The following HDGFL3 variants were observed in gnomAD, a reference collection of about 807,000 sequenced individuals.
HDGFL3 encodes hepatoma-derived growth factor-related protein 3.
In HDGFL3, 6 loss-of-function variants were observed where a neutral mutation model predicts 27.6. The ratio of observed to expected loss-of-function variants is 0.22; its 90% CI spans 0.12 to 0.43. HDGFL3 has a LOEUF of 0.43. Among genes scored for constraint, HDGFL3 ranks in the 20% least tolerant of loss-of-function variants. The pLI, the probability that HDGFL3 is intolerant of heterozygous loss-of-function variation, is 1.00. For missense variants in HDGFL3, 207 were observed against 250.1 expected (o/e 0.83, Z 1.16); for synonymous variants, 88 against 88.9 (o/e 0.99, Z 0.05).
chr15:83,180,643 ATTTT>A (rs34952033), intron 1 of HDGFL3, among the ~76,000 whole-genome samples: 2 of 126,368 alleles, frequency 1.6e-5, no homozygotes, highest in Non-Finnish European at 3.2e-5. Context: ...TAACTTATCA[ATTTT>A]TTTTTTTTTT....
intron 1 of HDGFL3, among the ~76,000 whole-genome samples, chr15:83,202,533 G>T (rs1397910965): frequency 6.6e-6 from 1 of 152,078 alleles, no homozygotes; most frequent in African/African-American, 2.4e-5. Context: ...ATGCAGCTTG[G>T]TAGGAGTGAG....
chr15:83,117,921 A>C (rs2034824762), intron 3 of HDGFL3, among the ~76,000 whole-genome samples: 1 of 152,124 alleles, frequency 6.6e-6, no homozygotes, highest in African/African-American at 2.4e-5. Flanking sequence ...GGCTAGACCT[A>C]ATGCTGTGAA....
At chr15:83,206,670 C>A (rs1444673261) in intron 1 of HDGFL3, among the ~76,000 whole-genome samples, 2 of 152,192 alleles carry the variant, frequency 1.3e-5, no homozygotes, top group Non-Finnish European at 2.9e-5. Context: ...GCTGGACCCA[C>A]CAGTCAGAGG....
At chr15:83,165,388 T>C (rs1366039860) in intron 1 of HDGFL3, among the ~76,000 whole-genome samples, 1 of 152,216 alleles carries the variant, frequency 6.6e-6, no homozygotes, top group East Asian at 1.9e-4. Context: ...AGCAAATGAA[T>C]GGTAGTTTAG....
chr15:83,159,766 AG>A (rs1175681325), intron 2 of HDGFL3, among the ~76,000 whole-genome samples: 2 of 152,320 alleles, frequency 1.3e-5, no homozygotes, highest in Admixed American at 1.3e-4. Flanking sequence ...GTGCCTCATA[AG>A]TTTGAGAAAC....
At chr15:83,163,766 C>T (rs188750185) in intron 2 of HDGFL3, 3 of 488,502 alleles carry the variant, frequency 6.1e-6, no homozygotes, top group African/African-American at 6.1e-5. Context: ...TGGGTGATGA[C>T]CAACATTTAA....
intron 1 of HDGFL3, among the ~76,000 whole-genome samples, chr15:83,182,562 G>C (rs2037393855): frequency 6.6e-6 from 1 of 152,082 alleles, no homozygotes; most frequent in Admixed American, 6.5e-5. Flanking sequence ...GTACGTATTG[G>C]ATGATTCCAC....
At chr15:83,187,789 G>A (rs2037463260) in intron 1 of HDGFL3, among the ~76,000 whole-genome samples, 1 of 151,630 alleles carries the variant, frequency 6.6e-6, no homozygotes, top group Admixed American at 6.6e-5. Flanking sequence ...TCGGGAGGCT[G>A]AGGCAGGAGA....
chr15:83,141,705 T>C (rs2036775353), intron 5 of HDGFL3, among the ~76,000 whole-genome samples: 1 of 152,214 alleles, frequency 6.6e-6, no homozygotes, highest in African/African-American at 2.4e-5. Flanking sequence ...TGCCTCAGCC[T>C]ATCAAAGTGC....
At chr15:83,155,751 G>A (rs2037021761) in intron 4 of HDGFL3, among the ~76,000 whole-genome samples, 1 of 152,096 alleles carries the variant, frequency 6.6e-6, no homozygotes, top group Non-Finnish European at 1.5e-5. Flanking sequence ...CTTGTTTTTA[G>A]AGTTTCCTAA....
intron 1 of HDGFL3, among the ~76,000 whole-genome samples, chr15:83,184,125 T>C (rs918795914): frequency 2.6e-5 from 4 of 152,258 alleles, no homozygotes; most frequent in African/African-American, 4.8e-5. Flanking sequence ...TCTTTTATTT[T>C]TGGTGTCAAT....
chr15:83,141,592 C>CT (rs559221644), intron 5 of HDGFL3, among the ~76,000 whole-genome samples: 8 of 150,974 alleles, frequency 5.3e-5, no homozygotes, highest in South Asian at 2.1e-4. Flanking sequence ...TATTTAAAGA[C>CT]TTTTTTTTTA....
In HDGFL3 at chr15:83,141,379, G is replaced by A. The variant is rs149495438; in HGVS notation, c.607-2104C>T. Among the ~76,000 whole-genome samples the A allele has an allele frequency of 3.0e-3, 454 of 152,312 alleles. 2 individuals are homozygous for A. Among genetic ancestry groups the A allele is most frequent in the African/African-American group, 0.01 (435 of 41,554 alleles). On this transcript the variant is annotated intron_variant, in intron 5 of 5. Coordinates refer to ENST00000299633, the MANE Select transcript of HDGFL3 (RefSeq NM_016073.4). Reference sequence around the variant, plus strand: ...CAGAAGCTATGAAACAACAGAAGCCGTAAGGATCTTTTCAAGGAGTACCAT... The same window carrying A: ...CAGAAGCTATGAAACAACAGAAGCCATAAGGATCTTTTCAAGGAGTACCAT...
chr15:83,170,953 A>C (rs2037239331), intron 1 of HDGFL3, among the ~76,000 whole-genome samples: 1 of 152,160 alleles, frequency 6.6e-6, no homozygotes, highest in African/African-American at 2.4e-5. Context: ...AAGAAGACAT[A>C]CAAGCCAAGA....
At chr15:83,122,412 T>C (rs975800166) in intron 3 of HDGFL3, among the ~76,000 whole-genome samples, 1 of 152,080 alleles carries the variant, frequency 6.6e-6, no homozygotes, top group Non-Finnish European at 1.5e-5. Flanking sequence ...GATAGATAGA[T>C]AGATATAGAT....
rs2037730195 is a variant in HDGFL3, at chr15:83,207,234, G to C, written c.84+97C>G. 1 of 842,752 alleles carries C rather than the reference G, an allele frequency of 1.2e-6. No individual in the cohort carries two copies. The highest frequency in any genetic ancestry group is 1.6e-6 in the Non-Finnish European group (1 of 622,162). The allele number at this position is 842,752 out of a possible 1,614,324, so 52.2% of individuals were successfully genotyped here. ...CTCACCACAGCCGGCCGCGAGCTGC[G>C]GGCTCGGGGCTGAGGCGATGGGGAA... is the stretch of plus-strand genomic sequence containing the variant. On this transcript the variant is annotated intron_variant, in intron 1 of 5. Coordinates refer to ENST00000299633, the MANE Select transcript of HDGFL3 (RefSeq NM_016073.4). This position sits in a 1 kb window ranked among gnomAD's most constrained non-coding sequence, Gnocchi z 4.8.
In HDGFL3 at chr15:83,113,129, C is replaced by T. The variant is rs2034345677; in HGVS notation, c.*2580G>A. The T allele has an allele frequency of 5.3e-6, 3 of 568,232 alleles. No individual in the cohort carries two copies. The South Asian group carries it at 6.1e-5, about 12-fold the overall frequency. 35.2% of individuals were successfully genotyped at this position (568,232 alleles called of 1,614,324 possible). A position where few individuals can be genotyped will look rare whatever the true frequency, so the allele number is the denominator to read the frequency against. ...TCCCGGTGGAGAGTTACTGCCAGGCCAGGCAGGGCACCCTGCCAACCCCAG... is the reference window on the plus strand; with the variant it reads ...TCCCGGTGGAGAGTTACTGCCAGGCTAGGCAGGGCACCCTGCCAACCCCAG... On this transcript the variant is annotated 3_prime_UTR_variant, in exon 4 of 4. Transcript: ENST00000568294.
exon 4 of HDGFL3, chr15:83,115,499 G>A (rs530948638): frequency 4.9e-6 from 2 of 410,918 alleles, no homozygotes; most frequent in African/African-American, 2.0e-5. Flanking sequence ...CTGCCCATGT[G>A]GGATGTGGGT....
At position 83,207,268 on chromosome 15, in the gene HDGFL3, G is replaced by A. The variant is rs974361674; in HGVS notation, c.84+63C>T. ...GCTGAGGCGATGGGGAAAGGGGGCG[G>A]GCGCGCCATCATGAAGGGGAAAATG... On this transcript the variant is annotated intron_variant, in intron 1 of 5. Coordinates refer to ENST00000299633, the MANE Select transcript of HDGFL3 (RefSeq NM_016073.4). This position sits in a 1 kb window ranked among gnomAD's most constrained non-coding sequence, Gnocchi z 4.8. 18 of 1,143,434 alleles carry A rather than the reference G, an allele frequency of 1.6e-5. No individual in the cohort carries two copies. The highest frequency in any genetic ancestry group is 3.2e-5 in the African/African-American group (2 of 61,682). The allele number at this position is 1,143,434 out of a possible 1,614,324, so 70.8% of individuals were successfully genotyped here. A position where few individuals can be genotyped will look rare whatever the true frequency, so the allele number is the denominator to read the frequency against.
Sources: gnomAD v4.1 joint callset for allele counts (sites outside exome capture counted in the v4.1 genomes callset) on GRCh38, gnomAD v4.1.1 for gene constraint, Gnocchi (gnomAD v3.1) non-coding constraint, MANE v1.5 for transcripts, NCBI Gene and HGNC (gene_info 2026-07-23, HGNC 2026-07-21) for gene names.